BIVM: variants seen among roughly 807,000 people sequenced by gnomAD.
BIVM encodes the protein basic, immunoglobulin-like variable motif containing.
A neutral mutation model predicts 61.4 loss-of-function variants in BIVM; 31 were observed. The ratio of observed to expected loss-of-function variants is 0.51; its 90% CI spans 0.38 to 0.68. The LOEUF (loss-of-function observed/expected upper bound fraction) is 0.68. BIVM is among the 30% of genes least tolerant of loss of function. The probability of loss-of-function intolerance (pLI) is 0.00; values close to 1 mark genes in which losing one functional copy is unlikely to be tolerated. For missense variants in BIVM, 526 were observed against 596.0 expected, an observed-to-expected ratio of 0.88 and a Z score of 1.22; for synonymous variants, 189 against 210.7, an observed-to-expected ratio of 0.90 and a Z score of 0.89.
intron 7 of BIVM, among the ~76,000 whole-genome samples, chr13:102,826,207 T>C (rs947142336): frequency 3.3e-5 from 5 of 152,158 alleles, no homozygotes; most frequent in Non-Finnish European, 2.9e-5. Flanking sequence ...TCCCTTTCTG[T>C]AGCTCATCTT....
At chr13:102,822,277 G>T in intron 7 of BIVM, 118 bp downstream of exon 7, 1 of 935,654 alleles carries the variant, frequency 1.1e-6, no homozygotes. Flanking sequence ...GGGACATTAT[G>T]TAAACCCTCA....
chr13:102,804,359 G>A (rs1878927328), intron 1 of BIVM, among the ~76,000 whole-genome samples: 1 of 152,068 alleles, frequency 6.6e-6, no homozygotes, highest in Admixed American at 6.5e-5. Context: ...CACCCAGGCT[G>A]GAGTGCAATG....
chr13:102,831,378 A>T (rs1220144340), intron 7 of BIVM, among the ~76,000 whole-genome samples, 187 bp from the exon 8 acceptor site: 1 of 152,232 alleles, frequency 6.6e-6, no homozygotes, highest in Non-Finnish European at 1.5e-5. Context: ...TTTCAGTTTA[A>T]AGAGTAAAAC....
Position 102,807,439 on chromosome 13 carries a change from C to G in BIVM, c.172C>G (p.Pro58Ala), listed in dbSNP as rs1879179070. 6.2e-7 allele frequency: 1 copy of G among 1,614,040 alleles called. No homozygotes were observed. Among genetic ancestry groups the G allele is most frequent in the Admixed American group, 1.7e-5 (1 of 59,996 alleles). ...AGATGGTCATTATCCATGGAGTTGT[C>G]CAGTGACTCATACACGGGAAAAAAT... Reference protein sequence around the residue: ...KGDGHYPWSCPVTHTREKIYA... With the variant: ...KGDGHYPWSCAVTHTREKIYA... The change falls in exon 3 of 11, where the codon CCA becomes GCA. Residue 58 changes from proline (P) to alanine (A), a missense_variant. By Grantham distance (27) the Pro-to-Ala change is conservative. This residue lies in a region of BIVM where 312 missense variants were observed against 343.8 expected (regional missense o/e 0.91). Transcript: ENST00000257336. The surrounding 1 kb of genome is among the most constrained non-coding windows in gnomAD (Gnocchi z 4.0).
At chr13:102,835,916 A>G (rs886238946) in intron 9 of BIVM, among the ~76,000 whole-genome samples, 2 of 152,220 alleles carry the variant, frequency 1.3e-5, no homozygotes, top group African/African-American at 4.8e-5. Context: ...CACTTAATAC[A>G]GTGTTTTCAA....
intron 4 of BIVM, 116 bp from the exon 5 acceptor site, chr13:102,820,921 C>G: frequency 1.1e-6 from 1 of 898,152 alleles, no homozygotes; most frequent in Non-Finnish European, 1.7e-6. Flanking sequence ...TTTACATTGA[C>G]TTAGGGGATC....
intron 1 of BIVM, chr13:102,801,409 A>G (rs1029774892): frequency 6.6e-6 from 1 of 151,512 alleles, no homozygotes; most frequent in Non-Finnish European, 1.5e-5. Context: ...CTAATTTTGT[A>G]TTTTTTTATT....
intron 7 of BIVM, among the ~76,000 whole-genome samples, chr13:102,826,447 C>G (rs182669904): frequency 1.3e-5 from 2 of 152,278 alleles, no homozygotes; most frequent in East Asian, 3.9e-4. Flanking sequence ...TGAACATTGC[C>G]TTTTACATTA....
intron 9 of BIVM, among the ~76,000 whole-genome samples, chr13:102,838,071 G>C (rs750212888): frequency 6.6e-6 from 1 of 152,078 alleles, no homozygotes. Flanking sequence ...AAAAGATATT[G>C]CAATAAAAAG....
intron 7 of BIVM, among the ~76,000 whole-genome samples, chr13:102,831,005 A>G (rs1372958198): frequency 2.0e-5 from 3 of 152,068 alleles, no homozygotes; most frequent in African/African-American, 7.2e-5. Flanking sequence ...CATTTTTAGA[A>G]CTTGATTATT....
intron 1 of BIVM, among the ~76,000 whole-genome samples, chr13:102,804,448 T>C (rs891401494): frequency 5.3e-5 from 8 of 152,222 alleles, no homozygotes; most frequent in African/African-American, 1.9e-4. Context: ...GTAGCTGTGA[T>C]TACAGGTGCG....
chr13:102,821,888 T>G, intron 6 of BIVM, 41 bp downstream of exon 6: 1 of 1,594,980 alleles, frequency 6.3e-7, no homozygotes. Context: ...GTTTCTAGTT[T>G]TGCAAAATAA....
At chr13:102,831,479 T>C in intron 7 of BIVM, 86 bp from the exon 8 acceptor site, 1 of 1,556,992 alleles carries the variant, frequency 6.4e-7, no homozygotes, top group African/African-American at 1.4e-5. Context: ...GTCTTTTCTG[T>C]CCTTAAGCCC....
chr13:102,816,452 A>G lies in BIVM; in HGVS notation c.503A>G (p.Lys168Arg), dbSNP rs1373395899. 3 of 1,585,884 alleles carry G rather than the reference A, an allele frequency of 1.9e-6. No individual in the cohort carries two copies. Among genetic ancestry groups the G allele is most frequent in the South Asian group, 1.2e-5 (1 of 85,690 alleles). Residue 168 changes from lysine to arginine, a missense_variant, in exon 4 of 11, where the codon AAG becomes AGG. By Grantham distance (26) the Lys-to-Arg change is conservative. Around this residue, in one of 3 missense-constraint regions of BIVM, gnomAD observed 312 missense variants for 343.8 expected, o/e 0.91. Transcript: ENST00000257336. The part of the protein sequence containing the change: ...KSGNAKKQVS[K>R]RKTSDKKGRY... ...GGCAATGCAAAGAAACAAGTTTCCA[A>G]GAGAAAAACTTCAGATAAAAAGGGA...
At chr13:102,815,852 AGTT>A (rs1879834530) in intron 3 of BIVM, among the ~76,000 whole-genome samples, 1 of 152,204 alleles carries the variant, frequency 6.6e-6, no homozygotes, top group African/African-American at 2.4e-5. Context: ...TCTGTGCTAG[AGTT>A]GCATTTTAGT....
At chr13:102,831,802 G>A in intron 8 of BIVM, 105 bp downstream of exon 8, 1 of 1,299,850 alleles carries the variant, frequency 7.7e-7, no homozygotes, top group Non-Finnish European at 1.0e-6. Flanking sequence ...GGCCGAGGTG[G>A]GCGGATCACG....
At chr13:102,813,895 C>T (rs1369391147) in intron 3 of BIVM, among the ~76,000 whole-genome samples, 1 of 152,134 alleles carries the variant, frequency 6.6e-6, no homozygotes, top group South Asian at 2.1e-4. Flanking sequence ...ATTTGGGCCC[C>T]CTCTTCTCTG....
intron 7 of BIVM, among the ~76,000 whole-genome samples, chr13:102,829,250 A>T (rs1235941795): frequency 6.6e-6 from 1 of 152,192 alleles, no homozygotes; most frequent in Non-Finnish European, 1.5e-5. Flanking sequence ...AGTAACTTGA[A>T]GTAAGAAACA....
At position 102,816,702 on chromosome 13, in the gene BIVM, C is replaced by T. The variant is rs143047520; in HGVS notation, c.605+148C>T. On this transcript the variant is annotated intron_variant, in intron 4 of 10. Coordinates refer to ENST00000257336, the MANE Select transcript of BIVM (RefSeq NM_017693.4). Reference sequence around the variant, plus strand: ...ACCAGGATTTCTGAATATTTAAAGTCACCACAAATGTTTGAAGTAGATTAA... The same window carrying T: ...ACCAGGATTTCTGAATATTTAAAGTTACCACAAATGTTTGAAGTAGATTAA... 1.7e-4 allele frequency: 138 copies of T among 791,928 alleles called. 1 individual carries two copies. In the East Asian group the frequency reaches 2.9e-3, roughly 17 times the overall value. 49.1% of individuals were successfully genotyped at this position (791,928 alleles called of 1,614,324 possible).
Sources: gnomAD v4.1 joint callset for allele counts (sites outside exome capture counted in the v4.1 genomes callset) on GRCh38, gnomAD v4.1.1 for gene constraint, gnomAD v4.1.1 regional missense constraint, Gnocchi (gnomAD v3.1) non-coding constraint, MANE v1.5 for transcripts, NCBI Gene and HGNC (gene_info 2026-07-23, HGNC 2026-07-21) for gene names.